The following SIK3 variants were observed in gnomAD, a reference collection of about 807,000 sequenced individuals.
The protein encoded by SIK3 is serine/threonine-protein kinase SIK3.
SIK3 carries 28 observed loss-of-function variants against 144.2 expected under a neutral mutation model. The ratio of observed to expected loss-of-function variants is 0.19; its 90% confidence interval spans 0.14 to 0.27. The LOEUF (loss-of-function observed/expected upper bound fraction) is 0.27, where lower values mean the gene tolerates loss of function less well. Among genes scored for constraint, SIK3 ranks in the 10% least tolerant of loss-of-function variants. The probability of loss-of-function intolerance (pLI) is 1.00; values close to 1 mark genes in which losing one functional copy is unlikely to be tolerated. For synonymous variants in SIK3, 686 were observed against 676.3 expected (o/e 1.01, Z -0.22); for missense variants, 1,319 against 1,776.0 (o/e 0.74, Z 4.62).
chr11:116,925,604 G>T (rs1017496942), intron 4 of SIK3, among the ~76,000 whole-genome samples: 9 of 152,124 alleles, frequency 5.9e-5, no homozygotes, highest in Admixed American at 5.9e-4. Flanking sequence ...TTAAGTTTGT[G>T]GTAATTTGTT....
At chr11:117,075,523 T>C (rs1333519740) in intron 1 of SIK3, among the ~76,000 whole-genome samples, 1 of 151,618 alleles carries the variant, frequency 6.6e-6, no homozygotes, top group East Asian at 1.9e-4. Flanking sequence ...ATCCACATTC[T>C]ATGTTATTGA....
intron 1 of SIK3, among the ~76,000 whole-genome samples, chr11:117,078,337 C>T (rs772070182): frequency 1.3e-4 from 20 of 151,894 alleles, no homozygotes; most frequent in Non-Finnish European, 2.6e-4. Flanking sequence ...CAGTCAAATA[C>T]TGCATGCCAC....
chr11:116,927,163 GA>G, intron 4 of SIK3, 55 bp downstream of exon 4: 1 of 1,314,638 alleles, frequency 7.6e-7, no homozygotes, highest in Non-Finnish European at 1.1e-6. Context: ...CTTGCTTATA[GA>G]ACCCCAAGGA....
At chr11:117,009,047 C>A (rs143662078) in intron 1 of SIK3, among the ~76,000 whole-genome samples, 1,523 of 151,876 alleles carry the variant, frequency 0.01, 28 homozygotes, top group African/African-American at 0.036. Context: ...CCAGCCTGAC[C>A]AACATGGCGA....
chr11:117,035,801 T>C (rs923195259), intron 1 of SIK3: 32 of 1,449,836 alleles, frequency 2.2e-5, no homozygotes, highest in Non-Finnish European at 2.7e-5. Context: ...GTGCTTTTAG[T>C]GCTGCTTCCT....
chr11:116,996,562 G>A (rs930460823), intron 1 of SIK3, among the ~76,000 whole-genome samples: 1 of 151,966 alleles, frequency 6.6e-6, no homozygotes. Context: ...GCTCACGCCT[G>A]TAATCCCAAC....
At chr11:116,857,269 G>A (rs1229197617) in intron 21 of SIK3, 1 of 155,186 alleles carries the variant, frequency 6.4e-6, no homozygotes, top group Non-Finnish European at 1.4e-5. Context: ...CAAACATTAT[G>A]TAGAAACAAA....
At chr11:117,021,344 G>A (rs1591551653) in intron 1 of SIK3, among the ~76,000 whole-genome samples, 1 of 152,248 alleles carries the variant, frequency 6.6e-6, no homozygotes, top group East Asian at 1.9e-4. Context: ...GCTTATCAAA[G>A]GTCAGCCACT....
At chr11:116,861,443 G>C (rs1943321916) in intron 18 of SIK3, 60 bp from the exon 19 acceptor site, 2 of 1,286,064 alleles carry the variant, frequency 1.6e-6, no homozygotes, top group Non-Finnish European at 1.1e-6. Flanking sequence ...ACAATCTTAA[G>C]TTTCAGCCAT....
chr11:116,970,650 G>A (rs1222593761), intron 1 of SIK3, among the ~76,000 whole-genome samples: 1 of 151,136 alleles, frequency 6.6e-6, no homozygotes, highest in Non-Finnish European at 1.5e-5. Flanking sequence ...ACGCCCGGCT[G>A]TATTTGTTAT....
At chr11:117,032,785 C>T (rs2135806990) in intron 1 of SIK3, among the ~76,000 whole-genome samples, 1 of 151,778 alleles carries the variant, frequency 6.6e-6, no homozygotes, top group Admixed American at 6.6e-5. Flanking sequence ...GAATATACCA[C>T]CATTTATTTA....
intron 6 of SIK3, among the ~76,000 whole-genome samples, chr11:116,880,183 A>C (rs1944472942): frequency 2.0e-5 from 3 of 152,186 alleles, no homozygotes; most frequent in African/African-American, 2.4e-5. Flanking sequence ...CAACCAAACC[A>C]AAAACAGTAC....
At chr11:116,870,170 T>C in intron 14 of SIK3, 161 bp downstream of exon 14, 1 of 1,538,258 alleles carries the variant, frequency 6.5e-7, no homozygotes. Context: ...TAGTCTTCTG[T>C]TACTTCCATG....
intron 1 of SIK3, among the ~76,000 whole-genome samples, chr11:116,960,465 G>C (rs896175155): frequency 1.1e-4 from 17 of 152,144 alleles, no homozygotes. Flanking sequence ...AGGGTGAAGT[G>C]AGCCGTGATC....
At chr11:117,044,569 C>G (rs1952875286) in intron 1 of SIK3, among the ~76,000 whole-genome samples, 1 of 151,938 alleles carries the variant, frequency 6.6e-6, no homozygotes, top group African/African-American at 2.4e-5. Context: ...AGCACCAAGC[C>G]TGGTCACTTT....
At chr11:116,860,843 G>C (rs2134419348) in intron 19 of SIK3, among the ~76,000 whole-genome samples, 3 of 152,294 alleles carry the variant, frequency 2.0e-5, no homozygotes, top group Middle Eastern at 6.8e-3. Flanking sequence ...ATGATAATGA[G>C]GGAATTCTTG....
At position 116,844,596 on chromosome 11, in the gene SIK3, TTTATATATATA is replaced by T. The variant is rs1228204657; in HGVS notation, c.*1036_*1046del. On this transcript the variant is annotated 3_prime_UTR_variant, in exon 25 of 25. Coordinates refer to ENST00000445177, the MANE Select transcript of SIK3 (RefSeq NM_001366686.3). ...AAGAGGAGAGCATATATATATATAT[TTTATATATATA>T]TTATATATATAATATATATATAATA... 2 of 89,814 alleles carry T rather than the reference TTTATATATATA, an allele frequency of 2.2e-5. No homozygotes were observed. Among genetic ancestry groups the T allele is most frequent in the Non-Finnish European group, 4.5e-5 (2 of 44,482 alleles). 5.6% of individuals were successfully genotyped at this position (89,814 alleles called of 1,614,324 possible).
intron 1 of SIK3, among the ~76,000 whole-genome samples, chr11:116,967,970 C>T (rs553813183): frequency 6.6e-6 from 1 of 152,244 alleles, no homozygotes; most frequent in East Asian, 1.9e-4. Flanking sequence ...TGCATTTATT[C>T]CAGTTTCAAT....
intron 1 of SIK3, among the ~76,000 whole-genome samples, chr11:117,023,621 A>AAAAATATATATATAT (rs754624841): frequency 8.4e-4 from 80 of 95,354 alleles, no homozygotes; most frequent in African/African-American, 3.3e-3. Flanking sequence ...AAAAAAAAAA[A>AAAAATATATATATAT]ATATATATAT....
Sources: gnomAD v4.1 joint callset for allele counts (sites outside exome capture counted in the v4.1 genomes callset) on GRCh38, gnomAD v4.1.1 for gene constraint, MANE v1.5 for transcripts, NCBI Gene and HGNC (gene_info 2026-07-23, HGNC 2026-07-21) for gene names.